Variants in RBM28 observed in about 807,000 individuals in gnomAD.
RBM28 encodes the protein RNA binding motif protein 28.
RBM28 carries 78 observed loss-of-function variants against 98.3 expected under a neutral mutation model. The ratio of observed to expected loss-of-function variants is 0.79; its 90% confidence interval spans 0.66 to 0.96. RBM28 has a LOEUF of 0.96. Ranked by LOEUF, RBM28 falls within the 40% of genes least tolerant of loss-of-function variation. RBM28 has a pLI of 0.00. For missense variants in RBM28, 838 were observed against 913.0 expected, an observed-to-expected ratio of 0.92 and a Z score of 1.06; for synonymous variants, 306 against 330.9, an observed-to-expected ratio of 0.92 and a Z score of 0.82.
chr7:128,298,334 C>T lies in RBM28; in HGVS notation c.*12463G>A, dbSNP rs1357920966. 2 of 152,100 alleles carry T rather than the reference C, an allele frequency of 1.3e-5. No homozygotes were observed. The highest frequency in any genetic ancestry group is 6.5e-5 in the Admixed American group (1 of 15,272). The allele number at this position is 152,100 out of a possible 1,614,324, so 9.4% of individuals were successfully genotyped here. On this transcript the variant is annotated 3_prime_UTR_variant, in exon 19 of 19. Transcript: ENST00000223073. ...ATAAAAAACTTGCTGGTTTGAGGCTCAGGTGGGCATCACAGTCCTACTGAT... is the reference window on the plus strand; with the variant it reads ...ATAAAAAACTTGCTGGTTTGAGGCTTAGGTGGGCATCACAGTCCTACTGAT...
At chr7:128,328,650 T>C (rs942187020) in intron 10 of RBM28, among the ~76,000 whole-genome samples, 1 of 152,138 alleles carries the variant, frequency 6.6e-6, no homozygotes, top group Non-Finnish European at 1.5e-5. Flanking sequence ...ACTACTGCAC[T>C]AAAAAAGAGA....
At chr7:128,327,103 G>A (rs1245953938) in intron 10 of RBM28, among the ~76,000 whole-genome samples, 1 of 151,852 alleles carries the variant, frequency 6.6e-6, no homozygotes, top group Non-Finnish European at 1.5e-5. Context: ...CTGCACTACA[G>A]CCAGGGTGAC....
chr7:128,331,352 T>C (rs1488050475), intron 9 of RBM28, among the ~76,000 whole-genome samples: 2 of 146,498 alleles, frequency 1.4e-5, no homozygotes, highest in African/African-American at 2.5e-5. Context: ...AAAAAAGTGG[T>C]GTCCCCAGAG....
In RBM28 at chr7:128,339,255, C is replaced by G. The variant is rs1796668458; in HGVS notation, c.344G>C (p.Arg115Thr). 2 of 1,613,350 alleles carry G rather than the reference C, an allele frequency of 1.2e-6. No homozygotes were observed. Among genetic ancestry groups the G allele is most frequent in the Non-Finnish European group, 1.7e-6 (2 of 1,179,264 alleles). Residue 115 changes from arginine (R) to threonine (T), a missense_variant, in exon 3 of 19, where the codon AGA becomes ACA. Transcript: ENST00000223073. ...AAAGCTCAGGTTCCGAATAATTAAT[C>G]TGGCTTTCTTATCTGCCACTTTGGC... The part of the protein sequence containing the change: ...KKAKVADKKA[R>T]LIIRNLSFKC...
chr7:128,341,165 T>G, intron 1 of RBM28: 1 of 1,289,740 alleles, frequency 7.8e-7, no homozygotes, highest in Non-Finnish European at 1.0e-6. Context: ...TTCCACTGCA[T>G]TTGAATCTCC....
chr7:128,313,995 C>G (rs1796048239), intron 17 of RBM28, among the ~76,000 whole-genome samples: 1 of 151,972 alleles, frequency 6.6e-6, no homozygotes, highest in Non-Finnish European at 1.5e-5. Context: ...CGGAGTCTCG[C>G]TCTTTCGCCC....
intron 17 of RBM28, 61 bp from the exon 18 acceptor site, chr7:128,313,335 C>T: frequency 6.7e-7 from 1 of 1,484,090 alleles, no homozygotes; most frequent in Non-Finnish European, 9.4e-7. Flanking sequence ...CCCCTAGGTT[C>T]TCTTTGTACA....
intron 1 of RBM28, among the ~76,000 whole-genome samples, chr7:128,342,618 T>G (rs935803136): frequency 1.3e-5 from 2 of 152,006 alleles, no homozygotes; most frequent in Non-Finnish European, 2.9e-5. Flanking sequence ...GAGGCAGAGG[T>G]TGCAGTGAGC....
In RBM28 at chr7:128,335,993, C is replaced by T. The variant is rs750729611; in HGVS notation, c.663G>A (p.Lys221=). The change falls in exon 7 of 19, where the codon AAG becomes AAA. Residue 221 remains lysine (K), a synonymous_variant. Coordinates refer to ENST00000223073, the MANE Select transcript of RBM28 (RefSeq NM_018077.3). ...ESKHQESVKK[K]GREEEDMEEE... is the part of the protein sequence containing the mutation. ...CTTCCATATCCTCTTCCTCTCTGCC[C>T]TTCTTTTTAACTGATTCCTGATGTT... 6.2e-7 allele frequency: 1 copy of T among 1,612,256 alleles called. No homozygotes were observed. Among genetic ancestry groups the T allele is most frequent in the Non-Finnish European group, 8.5e-7 (1 of 1,178,818 alleles).
chr7:128,335,466 A>C (rs1052479783), intron 8 of RBM28, 77 bp downstream of exon 8: 11 of 1,562,326 alleles, frequency 7.0e-6, no homozygotes, highest in Non-Finnish European at 7.0e-6. Context: ...AAGAGATCTA[A>C]GCAGAACTGA....
At chr7:128,330,677 G>C in intron 10 of RBM28, 142 bp downstream of exon 10, 1 of 723,502 alleles carries the variant, frequency 1.4e-6, no homozygotes, top group Non-Finnish European at 2.5e-6. Context: ...CGGCGTCCCT[G>C]GTACTTTTAT....
chr7:128,311,911 T>C (rs1242592933), intron 18 of RBM28, among the ~76,000 whole-genome samples: 1 of 152,214 alleles, frequency 6.6e-6, no homozygotes, highest in Non-Finnish European at 1.5e-5. Context: ...CTGTAACCCA[T>C]AATGAAATAA....
At position 128,310,172 on chromosome 7, in the gene RBM28, A is replaced by G. The variant is rs1019460246; in HGVS notation, c.*625T>C. On this transcript the variant is annotated 3_prime_UTR_variant, in exon 19 of 19. Transcript: ENST00000223073. ...CTTTAGGCCACTGCAGGCCAATTCAACTGGAAATCCCCTCATCTGACAAAC... is the reference window on the plus strand; with the variant it reads ...CTTTAGGCCACTGCAGGCCAATTCAGCTGGAAATCCCCTCATCTGACAAAC... 1 of 156,644 alleles carries G rather than the reference A, an allele frequency of 6.4e-6. No individual in the cohort carries two copies. Among genetic ancestry groups the G allele is most frequent in the Admixed American group, 6.2e-5 (1 of 16,118 alleles). 9.7% of individuals were successfully genotyped at this position (156,644 alleles called of 1,614,324 possible).
intron 14 of RBM28, among the ~76,000 whole-genome samples, chr7:128,319,966 C>T (rs562788433): frequency 9.2e-5 from 14 of 152,198 alleles, no homozygotes; most frequent in Admixed American, 5.9e-4. Context: ...GCCTGTAATC[C>T]CAGCACTTTG....
chr7:128,326,677 T>C (rs1244291144), intron 10 of RBM28, among the ~76,000 whole-genome samples: 37 of 152,176 alleles, frequency 2.4e-4, no homozygotes, highest in Admixed American at 2.3e-3. Flanking sequence ...TTGCAGAATG[T>C]ATCCCCATCA....
chr7:128,299,103 TG>T lies in RBM28; in HGVS notation c.*11693del, dbSNP rs1795747860. 1 of 152,032 alleles carries T rather than the reference TG, an allele frequency of 6.6e-6. No homozygotes were observed. The highest frequency in any genetic ancestry group is 6.5e-5 in the Admixed American group (1 of 15,268). 9.4% of individuals were successfully genotyped at this position (152,032 alleles called of 1,614,324 possible). A position where few individuals can be genotyped will look rare whatever the true frequency, so the allele number is the denominator to read the frequency against. On this transcript the variant is annotated 3_prime_UTR_variant, in exon 19 of 19. Coordinates refer to ENST00000223073, the MANE Select transcript of RBM28 (RefSeq NM_018077.3). ...GAAAACTATCTCTGCAAGAAGAGTT[TG>T]TTATGCAGTTCCCAGGAGGAGAGGT...
intron 16 of RBM28, among the ~76,000 whole-genome samples, chr7:128,315,903 G>C (rs887392241): frequency 1.3e-5 from 2 of 152,146 alleles, no homozygotes; most frequent in Middle Eastern, 3.4e-3. Flanking sequence ...TTTCAAGAAA[G>C]GAAGAACATC....
chr7:128,328,529 A>G (rs1796403067), intron 10 of RBM28, among the ~76,000 whole-genome samples: 1 of 152,328 alleles, frequency 6.6e-6, no homozygotes, highest in East Asian at 1.9e-4. Flanking sequence ...TTTTTTTTAA[A>G]TGATTAAAAC....
At position 128,317,681 on chromosome 7, in the gene RBM28, TC is replaced by T; in HGVS notation, c.1765del (p.Glu589AsnfsTer2). On this transcript the variant is annotated frameshift_variant, in exon 16 of 19. Transcript: ENST00000223073. LOFTEE classifies it high-confidence loss of function. ...TACCAAGCTGCGCTGGATCCTTAAT[TC>T]CTTCATTTTAAGTTTTCTTCGATCT... Reference protein sequence around the residue: ...LEDRRKLKMKELRIQRSLQKM... With the variant: ...LEDRRKLKMKXLRIQRSLQKM... 1 of 1,607,750 alleles carries T rather than the reference TC, an allele frequency of 6.2e-7. No homozygotes were observed. Among genetic ancestry groups the T allele is most frequent in the Non-Finnish European group, 8.5e-7 (1 of 1,174,204 alleles).
Sources: allele counts gnomAD v4.1 joint callset (sites outside exome capture counted in the v4.1 genomes callset), GRCh38; gene constraint gnomAD v4.1.1; transcripts MANE v1.5; gene names NCBI Gene and HGNC (gene_info 2026-07-23, HGNC 2026-07-21).